CYB5R4: variants seen among roughly 807,000 people sequenced by gnomAD.
The protein encoded by CYB5R4 is N-terminal cytochrome b5 and cytochrome b5 oxidoreductase domain-containing protein.
A neutral mutation model predicts 70.2 loss-of-function variants in CYB5R4; 55 were observed. The observed-to-expected ratio is 0.78, with a 90% confidence interval of 0.63 to 0.98. The LOEUF is 0.98. Among genes scored for constraint, CYB5R4 ranks in the 50% least tolerant of loss-of-function variants. The pLI, the probability that CYB5R4 is intolerant of heterozygous loss-of-function variation, is 0.00. For missense variants in CYB5R4, 562 were observed against 612.6 expected (o/e 0.92, Z 0.87); for synonymous variants, 197 against 199.5 (o/e 0.99, Z 0.11).
At position 83,956,826 on chromosome 6, in the gene CYB5R4, A is replaced by G. The variant is rs528955437; in HGVS notation, c.1511+1364A>G. 4.6e-5 allele frequency among the ~76,000 whole-genome samples: 7 copies of G among 152,162 alleles called. No individual in the cohort carries two copies. The East Asian group carries it at 1.4e-3, about 29-fold the overall frequency. ...AGTAAGTCACGATATATGGGGTTAA[A>G]TAAAACCCATCTGATGAGAATTTAT... On this transcript the variant is annotated intron_variant, in intron 15 of 15. Coordinates refer to ENST00000369681, the MANE Select transcript of CYB5R4 (RefSeq NM_016230.4).
Position 83,900,650 on chromosome 6 carries a change from C to T in CYB5R4, c.330+7028C>T, listed in dbSNP as rs1168417728. Among the ~76,000 whole-genome samples the T allele has an allele frequency of 2.0e-5, 3 of 152,138 alleles. No individual in the cohort carries two copies. In the East Asian group the frequency reaches 5.8e-4, roughly 29 times the overall value. On this transcript the variant is annotated intron_variant, in intron 3 of 15. Coordinates refer to ENST00000369681, the MANE Select transcript of CYB5R4 (RefSeq NM_016230.4). ...GACTTGTTTTATGAATCTGGGTGCT[C>T]CTGTATTGGGTGCATATATATTTAG...
At position 83,860,000 on chromosome 6, in the gene CYB5R4, G is replaced by C. The variant is rs1010421601; in HGVS notation, c.75+143G>C. The C allele has an allele frequency of 4.0e-6, 3 of 751,790 alleles. No individual in the cohort carries two copies. The African/African-American group carries it at 5.3e-5, about 13-fold the overall frequency. 46.6% of individuals were successfully genotyped at this position (751,790 alleles called of 1,614,324 possible). ...CTGTCCTTGCCTGCAACCTCTTTCT[G>C]ATCCCACTTTGTCTACAGTCCCTAA... On this transcript the variant is annotated intron_variant, in intron 1 of 15. Coordinates refer to ENST00000369681, the MANE Select transcript of CYB5R4 (RefSeq NM_016230.4).
At chr6:83,943,626 T>TGACA (rs1292040725) in intron 14 of CYB5R4, among the ~76,000 whole-genome samples, 1 of 152,008 alleles carries the variant, frequency 6.6e-6, no homozygotes, top group Non-Finnish European at 1.5e-5. Context: ...TTTGACAAAT[T>TGACA]GACAGAAGTA....
At chr6:83,909,406 A>T (rs2099464323) in intron 4 of CYB5R4, among the ~76,000 whole-genome samples, 1 of 152,220 alleles carries the variant, frequency 6.6e-6, no homozygotes. Context: ...TTAAAAATAC[A>T]AAAAGTTATA....
At chr6:83,918,276 A>AT (rs2099465817) in intron 6 of CYB5R4, among the ~76,000 whole-genome samples, 1 of 152,128 alleles carries the variant, frequency 6.6e-6, no homozygotes, top group Admixed American at 6.5e-5. Flanking sequence ...AGTTTGATCC[A>AT]TTTTAAACAC....
chr6:83,873,235 C>CTT lies in CYB5R4; in HGVS notation c.229+8930_229+8931dup, dbSNP rs927399068. Among the ~76,000 whole-genome samples, 568 of 99,770 alleles carry CTT rather than the reference C, an allele frequency of 5.7e-3. 24 individuals are homozygous for CTT. The highest frequency in any genetic ancestry group is 0.015 in the African/African-American group (351 of 23,384). The allele number at this position is 99,770 out of a possible 152,430, so 65.5% of individuals were successfully genotyped here. A position where few individuals can be genotyped will look rare whatever the true frequency, so the allele number is the denominator to read the frequency against. On this transcript the variant is annotated intron_variant, in intron 2 of 15. Coordinates refer to ENST00000369681, the MANE Select transcript of CYB5R4 (RefSeq NM_016230.4). Reference sequence around the variant, plus strand: ...GTTAAGAATCATATAGGGTATCCTTCTTTTTTTTTTTTTTTTTTTTTTTTG... The same window carrying CTT: ...GTTAAGAATCATATAGGGTATCCTTCTTTTTTTTTTTTTTTTTTTTTTTTTTG...
chr6:83,942,624 C>A (rs1356414554), intron 14 of CYB5R4, among the ~76,000 whole-genome samples: 3 of 152,128 alleles, frequency 2.0e-5, no homozygotes, highest in Admixed American at 6.5e-5. Flanking sequence ...ACCATTCACT[C>A]CCCTGGAAAG....
chr6:83,936,152 T>G, intron 11 of CYB5R4, 72 bp from the exon 12 acceptor site: 2 of 1,120,124 alleles, frequency 1.8e-6, no homozygotes, highest in East Asian at 2.5e-5. Context: ...TGTCAAAATT[T>G]GGATGTTTCA....
chr6:83,912,689 CAG>C (rs1454789622), intron 4 of CYB5R4, among the ~76,000 whole-genome samples: 1 of 152,184 alleles, frequency 6.6e-6, no homozygotes, highest in African/African-American at 2.4e-5. Context: ...GATTTCTTTT[CAG>C]AGAAGAAAGT....
chr6:83,932,873 C>T (rs1481409869), intron 10 of CYB5R4, among the ~76,000 whole-genome samples: 2 of 152,278 alleles, frequency 1.3e-5, no homozygotes, highest in Admixed American at 6.5e-5. Flanking sequence ...GTGCAGGTCT[C>T]ATTCCTCTGC....
intron 1 of CYB5R4, among the ~76,000 whole-genome samples, chr6:83,862,201 G>A (rs879333114): frequency 2.0e-4 from 31 of 152,308 alleles, no homozygotes; most frequent in South Asian, 8.3e-4. Context: ...AATGCTACTT[G>A]TCCTGAGGCT....
intron 14 of CYB5R4, among the ~76,000 whole-genome samples, chr6:83,948,164 T>G (rs2099470936): frequency 6.6e-6 from 1 of 152,088 alleles, no homozygotes; most frequent in South Asian, 2.1e-4. Context: ...ATGTGGCACA[T>G]TACACCATGG....
chr6:83,889,436 T>C (rs2099460767), intron 2 of CYB5R4, among the ~76,000 whole-genome samples: 1 of 152,182 alleles, frequency 6.6e-6, no homozygotes. Context: ...TAGAGAATTA[T>C]GCTAAGTCTG....
At chr6:83,937,582 C>T (rs900053607) in intron 12 of CYB5R4, among the ~76,000 whole-genome samples, 4 of 152,154 alleles carry the variant, frequency 2.6e-5, no homozygotes, top group African/African-American at 9.6e-5. Flanking sequence ...TGCAGTGGCT[C>T]GATCTCAGCT....
At chr6:83,941,510 A>T (rs2099469763) in intron 14 of CYB5R4, among the ~76,000 whole-genome samples, 4 of 152,320 alleles carry the variant, frequency 2.6e-5, no homozygotes, top group African/African-American at 9.6e-5. Context: ...TAGGCCTTTT[A>T]AAAGAGTAAA....
rs564610059 is a variant in CYB5R4, at chr6:83,908,942, G to T, written c.331-67G>T. On this transcript the variant is annotated intron_variant, in intron 3 of 15. Transcript: ENST00000369681. The stretch of plus-strand genomic sequence containing the variant: ...GGTTTCAGAAAGTTTAGTTTTGCTC[G>T]TACTAAAATGAGAGCATCCTGTGGA... The T allele has an allele frequency of 4.5e-6, 6 of 1,336,746 alleles. No homozygotes were observed. The Admixed American group carries it at 6.9e-5, about 15-fold the overall frequency. The allele number at this position is 1,336,746 out of a possible 1,614,324, so 82.8% of individuals were successfully genotyped here.
At position 83,895,170 on chromosome 6, in the gene CYB5R4, G is replaced by C. The variant is rs559210200; in HGVS notation, c.330+1548G>C. On this transcript the variant is annotated intron_variant, in intron 3 of 15. Transcript: ENST00000369681. ...CTCTCTGTCTGCCTGCCTGCTGTCT[G>C]TCTGTGTATCTATGAGACAGAGTCT... is the stretch of plus-strand genomic sequence containing the variant. 1.6e-4 allele frequency among the ~76,000 whole-genome samples: 25 copies of C among 152,178 alleles called. No homozygotes were observed. The South Asian group carries it at 5.2e-3, about 32-fold the overall frequency.
At chr6:83,895,016 C>T (rs778966225) in intron 3 of CYB5R4, among the ~76,000 whole-genome samples, 1 of 152,192 alleles carries the variant, frequency 6.6e-6, no homozygotes, top group African/African-American at 2.4e-5. Context: ...GGCAGGATCT[C>T]ATTTGCTGTT....
At chr6:83,870,888 C>G (rs1283795497) in intron 2 of CYB5R4, among the ~76,000 whole-genome samples, 1 of 151,898 alleles carries the variant, frequency 6.6e-6, no homozygotes, top group Non-Finnish European at 1.5e-5. Flanking sequence ...GCAGTGTTCT[C>G]CCTTGAATAC....
Sources: gnomAD v4.1 joint callset for allele counts (sites outside exome capture counted in the v4.1 genomes callset) on GRCh38, gnomAD v4.1.1 for gene constraint, MANE v1.5 for transcripts, NCBI Gene and HGNC (gene_info 2026-07-23, HGNC 2026-07-21) for gene names.